UBE3D: variants seen among roughly 807,000 people sequenced by gnomAD.
The protein encoded by UBE3D is E3 ubiquitin-protein ligase E3D.
Under a neutral mutation model 49.6 loss-of-function variants are expected in UBE3D, and 48 were observed. The observed-to-expected ratio is 0.97, with a 90% CI of 0.77 to 1.23. The LOEUF (loss-of-function observed/expected upper bound fraction) is 1.23, where lower values mean the gene tolerates loss of function less well. Ranked by LOEUF, UBE3D falls within the 50% of genes most tolerant of loss-of-function variation. The probability of loss-of-function intolerance (pLI) is 0.00; values close to 1 mark genes in which losing one functional copy is unlikely to be tolerated. For synonymous variants in UBE3D, 189 were observed against 174.2 expected, an observed-to-expected ratio of 1.08 and a Z score of -0.67; for missense variants, 452 against 468.4, an observed-to-expected ratio of 0.96 and a Z score of 0.32.
At chr6:82,930,816 A>G (rs551331083) in intron 9 of UBE3D, among the ~76,000 whole-genome samples, 15 of 152,210 alleles carry the variant, frequency 9.9e-5, no homozygotes, top group Non-Finnish European at 2.1e-4. Context: ...CTGACAGTGC[A>G]GTATAAAAGA....
intron 8 of UBE3D, among the ~76,000 whole-genome samples, chr6:82,985,077 C>T (rs1778383148): frequency 8.0e-6 from 1 of 124,984 alleles, no homozygotes; most frequent in Non-Finnish European, 1.6e-5. Flanking sequence ...GTCTCAAACT[C>T]TTGGCCTCAA....
intron 8 of UBE3D, among the ~76,000 whole-genome samples, chr6:82,986,306 A>C (rs144271538): frequency 5.3e-5 from 8 of 151,746 alleles, no homozygotes; most frequent in Non-Finnish European, 8.8e-5. Context: ...CTTCATCTCT[A>C]CTAAAAATAC....
chr6:83,022,499 G>T lies in UBE3D; in HGVS notation c.800C>A (p.Thr267Asn). The change falls in exon 7 of 10, where the codon ACT becomes AAT. Residue 267 changes from threonine to asparagine, a missense_variant. By Grantham distance (65) the Thr-to-Asn change is moderately conservative (BLOSUM62 0). Coordinates refer to ENST00000369747, the MANE Select transcript of UBE3D (RefSeq NM_198920.3). ...CTGACCTTGAATCGTGAATCTAAAA[G>T]TGCTTCTAGCAGAGGAGAGCTGCAC... ...CLVQLSSARS[T>N]FRFTIQGQDD... is the part of the protein sequence containing the mutation. 6.2e-7 allele frequency: 1 copy of T among 1,606,586 alleles called. No individual in the cohort carries two copies. Among genetic ancestry groups the T allele is most frequent in the Non-Finnish European group, 8.5e-7 (1 of 1,177,074 alleles).
At chr6:82,954,702 G>A (rs1776037970) in intron 9 of UBE3D, among the ~76,000 whole-genome samples, 1 of 152,146 alleles carries the variant, frequency 6.6e-6, no homozygotes, top group Admixed American at 6.5e-5. Context: ...CCTAAACACA[G>A]GCAAAATTAG....
chr6:82,998,022 G>T (rs1779366277), intron 8 of UBE3D, among the ~76,000 whole-genome samples: 1 of 152,152 alleles, frequency 6.6e-6, no homozygotes, highest in African/African-American at 2.4e-5. Context: ...ACAAGAGTAA[G>T]GTTCTGGCAG....
At chr6:82,945,145 T>G (rs536775207) in intron 9 of UBE3D, among the ~76,000 whole-genome samples, 1 of 152,156 alleles carries the variant, frequency 6.6e-6, no homozygotes, top group Non-Finnish European at 1.5e-5. Flanking sequence ...TTGGTTACAG[T>G]GGACACTGGG....
intron 7 of UBE3D, among the ~76,000 whole-genome samples, 188 bp from the exon 8 acceptor site, chr6:83,019,324 T>TAA (rs74721575): frequency 1.5e-5 from 2 of 130,156 alleles, no homozygotes; most frequent in African/African-American, 2.8e-5. Context: ...GACATAAAGT[T>TAA]AAAAAAAAAA....
At chr6:82,980,305 T>C (rs1778025616) in intron 8 of UBE3D, among the ~76,000 whole-genome samples, 1 of 152,160 alleles carries the variant, frequency 6.6e-6, no homozygotes, top group South Asian at 2.1e-4. Flanking sequence ...GATATCCCAT[T>C]GTGGCTTTAA....
At chr6:82,931,959 T>C (rs954735799) in intron 9 of UBE3D, among the ~76,000 whole-genome samples, 2 of 152,106 alleles carry the variant, frequency 1.3e-5, no homozygotes, top group African/African-American at 4.8e-5. Context: ...GGTAATTGAA[T>C]CATGGGGGTG....
chr6:82,961,416 C>A (rs531475339), intron 8 of UBE3D, among the ~76,000 whole-genome samples: 1 of 152,254 alleles, frequency 6.6e-6, no homozygotes, highest in Admixed American at 6.5e-5. Flanking sequence ...CTAAAGCAGC[C>A]CTGAATGGTA....
intron 8 of UBE3D, among the ~76,000 whole-genome samples, chr6:82,968,818 G>C (rs1777134144): frequency 6.6e-6 from 1 of 151,940 alleles, no homozygotes; most frequent in African/African-American, 2.4e-5. Flanking sequence ...ATATTTGTTG[G>C]CTGTTTGGAT....
intron 1 of UBE3D, among the ~76,000 whole-genome samples, chr6:83,064,884 CT>C (rs1162770293): frequency 6.6e-6 from 1 of 152,166 alleles, no homozygotes; most frequent in Non-Finnish European, 1.5e-5. Context: ...ATCAATCTAC[CT>C]GTGGCACCGT....
intron 8 of UBE3D, among the ~76,000 whole-genome samples, chr6:82,966,340 C>T (rs1410661022): frequency 1.3e-5 from 2 of 152,034 alleles, no homozygotes; most frequent in Non-Finnish European, 2.9e-5. Flanking sequence ...AGTGGCACAA[C>T]CTTGTGAATA....
chr6:83,012,949 T>G (rs1780448797), intron 8 of UBE3D, among the ~76,000 whole-genome samples: 1 of 152,288 alleles, frequency 6.6e-6, no homozygotes, highest in African/African-American at 2.4e-5. Context: ...AACTAGGCCC[T>G]AGTCTTCTCT....
chr6:82,897,018 C>G (rs12530243), intron 9 of UBE3D, among the ~76,000 whole-genome samples: 25,193 of 151,866 alleles, frequency 0.17, 2,259 homozygotes, highest in Admixed American at 0.29. Flanking sequence ...GGATTACAGG[C>G]ATCAGCCACT....
intron 8 of UBE3D, among the ~76,000 whole-genome samples, chr6:82,980,096 T>A (rs559351489): frequency 6.6e-6 from 1 of 152,276 alleles, no homozygotes; most frequent in South Asian, 2.1e-4. Context: ...TTTATTTTCC[T>A]TTAGGTAAAT....
Position 82,963,992 on chromosome 6 carries a change from C to A in UBE3D, c.1011-6542G>T, listed in dbSNP as rs563394222. Among the ~76,000 whole-genome samples, 8 of 152,208 alleles carry A rather than the reference C, an allele frequency of 5.3e-5. No individual in the cohort carries two copies. The East Asian group carries it at 1.4e-3, about 26-fold the overall frequency. On this transcript the variant is annotated intron_variant, in intron 8 of 9. Transcript: ENST00000369747. ...ACTTCAAAAGGAACAATGAACTAAACGTCAATTGAAACTTACTTCTATGAT... is the reference window on the plus strand; with the variant it reads ...ACTTCAAAAGGAACAATGAACTAAAAGTCAATTGAAACTTACTTCTATGAT...
At chr6:82,884,726 C>T in the UBE3D span, among the ~76,000 whole-genome samples, 1 of 152,148 alleles carries the variant, frequency 6.6e-6, no homozygotes, top group Non-Finnish European at 1.5e-5. Flanking sequence ...TGAGATTTTA[C>T]ACTGGGGTGA....
intron 1 of UBE3D, among the ~76,000 whole-genome samples, chr6:83,062,504 G>A (rs1366303068): frequency 6.6e-6 from 1 of 152,090 alleles, no homozygotes; most frequent in Admixed American, 6.5e-5. Context: ...CCACATTGGG[G>A]ATCAAAGTGA....
Sources: gnomAD v4.1 joint callset for allele counts (sites outside exome capture counted in the v4.1 genomes callset) on GRCh38, gnomAD v4.1.1 for gene constraint, MANE v1.5 for transcripts, NCBI Gene and HGNC (gene_info 2026-07-23, HGNC 2026-07-21) for gene names.